The following SLC25A13 variants were observed in gnomAD, a reference collection of about 807,000 sequenced individuals.
SLC25A13 encodes the protein solute carrier family 25 member 13.
SLC25A13 carries 70 observed loss-of-function variants against 85.5 expected under a neutral mutation model. The ratio of observed to expected loss-of-function variants is 0.82; its 90% confidence interval spans 0.68 to 1.00. SLC25A13 has a LOEUF of 1.00. SLC25A13 is among the 50% of genes least tolerant of loss of function. SLC25A13 has a pLI of 0.00. For synonymous variants in SLC25A13, 259 were observed against 288.7 expected (o/e 0.90, Z 1.04); for missense variants, 765 against 819.8 (o/e 0.93, Z 0.82).
intron 3 of SLC25A13, among the ~76,000 whole-genome samples, chr7:96,241,126 G>A (rs2116837211): frequency 6.6e-6 from 1 of 151,898 alleles, no homozygotes; most frequent in South Asian, 2.1e-4. Context: ...ACCAAGGGCT[G>A]GGAGTGCAGC....
intron 2 of SLC25A13, among the ~76,000 whole-genome samples, chr7:96,284,591 G>C (rs1378963101): frequency 6.6e-6 from 1 of 152,158 alleles, no homozygotes; most frequent in Non-Finnish European, 1.5e-5. Context: ...GACATGGTTT[G>C]GCTGTGTCCC....
At chr7:96,291,304 C>A (rs1272098725) in intron 2 of SLC25A13, among the ~76,000 whole-genome samples, 1 of 152,168 alleles carries the variant, frequency 6.6e-6, no homozygotes, top group East Asian at 1.9e-4. Flanking sequence ...ATCTATAGCA[C>A]TAAATGCCCA....
At chr7:96,146,808 A>G in intron 13 of SLC25A13, 112 bp from the exon 14 acceptor site, 1 of 1,292,618 alleles carries the variant, frequency 7.7e-7, no homozygotes, top group Non-Finnish European at 1.1e-6. Flanking sequence ...AAGAGAATGT[A>G]GTTTCAGCCC....
In SLC25A13 at chr7:96,120,745, C is replaced by A; in HGVS notation, c.*446G>T. 1 of 453,852 alleles carries A rather than the reference C, an allele frequency of 2.2e-6. No homozygotes were observed. Among genetic ancestry groups the A allele is most frequent in the South Asian group, 1.6e-5 (1 of 64,108 alleles). 28.1% of individuals were successfully genotyped at this position (453,852 alleles called of 1,614,324 possible). A position where few individuals can be genotyped will look rare whatever the true frequency, so the allele number is the denominator to read the frequency against. ...TGAATATATTTGATATATATTTTTT[C>A]ATTTCTCCCAGTGTTTTTTATTTTT... On this transcript the variant is annotated 3_prime_UTR_variant, in exon 18 of 18. Transcript: ENST00000265631.
intron 13 of SLC25A13, among the ~76,000 whole-genome samples, chr7:96,167,326 T>C (rs1793795182): frequency 6.6e-6 from 1 of 152,224 alleles, no homozygotes; most frequent in African/African-American, 2.4e-5. Flanking sequence ...AGAAATGGGA[T>C]AAACTTTATT....
At chr7:96,292,767 A>G (rs1799175926) in intron 2 of SLC25A13, among the ~76,000 whole-genome samples, 1 of 152,248 alleles carries the variant, frequency 6.6e-6, no homozygotes, top group Admixed American at 6.5e-5. Context: ...TCACTGCTCA[A>G]TGAAATAAAA....
At chr7:96,254,308 A>G (rs1797542925) in intron 3 of SLC25A13, among the ~76,000 whole-genome samples, 1 of 152,182 alleles carries the variant, frequency 6.6e-6, no homozygotes, top group Admixed American at 6.5e-5. Flanking sequence ...TCTCCACCTG[A>G]GTGTTAGAGC....
intron 2 of SLC25A13, among the ~76,000 whole-genome samples, chr7:96,294,634 A>C (rs919076133): frequency 6.6e-6 from 1 of 151,558 alleles, no homozygotes; most frequent in African/African-American, 2.4e-5. Context: ...GAAAAAAAAG[A>C]AACTCTACAC....
intron 13 of SLC25A13, among the ~76,000 whole-genome samples, chr7:96,161,302 A>G (rs1210982795): frequency 6.6e-6 from 1 of 152,198 alleles, no homozygotes; most frequent in Non-Finnish European, 1.5e-5. Context: ...CTGGATATGC[A>G]GACACCTAGC....
At chr7:96,149,898 A>G (rs1017302565) in intron 13 of SLC25A13, among the ~76,000 whole-genome samples, 1 of 152,114 alleles carries the variant, frequency 6.6e-6, no homozygotes, top group Non-Finnish European at 1.5e-5. Context: ...GGACAGGAAC[A>G]CCTATTGTGC....
chr7:96,180,464 G>A (rs577829989), intron 11 of SLC25A13, among the ~76,000 whole-genome samples: 38 of 152,200 alleles, frequency 2.5e-4, no homozygotes, highest in African/African-American at 8.4e-4. Flanking sequence ...GCCTGTAGCT[G>A]CGATTACAGG....
At chr7:96,233,263 A>G (rs566923135) in intron 4 of SLC25A13, among the ~76,000 whole-genome samples, 1 of 152,298 alleles carries the variant, frequency 6.6e-6, no homozygotes, top group Non-Finnish European at 1.5e-5. Context: ...CGCTATTATA[A>G]CAATGTCACC....
At chr7:96,254,988 C>G (rs1797574554) in intron 3 of SLC25A13, among the ~76,000 whole-genome samples, 1 of 152,032 alleles carries the variant, frequency 6.6e-6, no homozygotes, top group East Asian at 1.9e-4. Flanking sequence ...AAAAGACAAT[C>G]CCTAAAAATT....
chr7:96,293,005 C>T (rs1485011460), intron 2 of SLC25A13, among the ~76,000 whole-genome samples: 1 of 152,170 alleles, frequency 6.6e-6, no homozygotes, highest in Non-Finnish European at 1.5e-5. Context: ...AAGCCAGAGG[C>T]GTCACGTTAC....
intron 2 of SLC25A13, among the ~76,000 whole-genome samples, chr7:96,279,145 T>C (rs1018965816): frequency 6.6e-6 from 1 of 152,194 alleles, no homozygotes; most frequent in African/African-American, 2.4e-5. Context: ...ATTATCACAC[T>C]GCTCTCCGGA....
intron 4 of SLC25A13, among the ~76,000 whole-genome samples, chr7:96,231,558 C>G (rs1318681073): frequency 6.6e-6 from 1 of 151,974 alleles, no homozygotes; most frequent in African/African-American, 2.4e-5. Context: ...AACCACGTCT[C>G]TACTAAAAAT....
intron 3 of SLC25A13, among the ~76,000 whole-genome samples, chr7:96,262,514 C>G (rs1437551202): frequency 1.1e-5 from 1 of 92,822 alleles, no homozygotes; most frequent in African/African-American, 4.4e-5. Context: ...AAAAACTACT[C>G]CTCAGTTTAA....
intron 1 of SLC25A13, among the ~76,000 whole-genome samples, chr7:96,318,689 G>T (rs1055109123): frequency 2.6e-5 from 4 of 152,210 alleles, no homozygotes; most frequent in Admixed American, 6.5e-5. Flanking sequence ...TGAATAATTA[G>T]CTGTATTTAA....
chr7:96,147,067 AG>A (rs1792833087), intron 13 of SLC25A13, among the ~76,000 whole-genome samples: 1 of 46,444 alleles, frequency 2.2e-5, no homozygotes, highest in South Asian at 9.3e-4. Context: ...TATCCAAATG[AG>A]GAGACACAGA....
Sources: gnomAD v4.1 joint callset for allele counts (sites outside exome capture counted in the v4.1 genomes callset) on GRCh38, gnomAD v4.1.1 for gene constraint, MANE v1.5 for transcripts, NCBI Gene and HGNC (gene_info 2026-07-23, HGNC 2026-07-21) for gene names.